The following FOXL1 variants were observed in gnomAD, a reference collection of about 807,000 sequenced individuals.
FOXL1 encodes forkhead box protein L1.
Under a neutral mutation model 1.7 loss-of-function variants are expected in FOXL1, and 2 were observed. The ratio of observed to expected loss-of-function variants is 1.21; its 90% CI spans 0.49 to 3.80. The LOEUF (loss-of-function observed/expected upper bound fraction) is 3.80. Ranked by LOEUF, FOXL1 falls within the 30% of genes most tolerant of loss-of-function variation. FOXL1 has a pLI of 0.07. For missense variants in FOXL1, 565 were observed against 495.8 expected, an observed-to-expected ratio of 1.14 and a Z score of -1.32; for synonymous variants, 280 against 229.3, an observed-to-expected ratio of 1.22 and a Z score of -2.00.
Position 86,578,694 on chromosome 16 carries a change from C to T in FOXL1, c.-30C>T. ...TAGGCCGCCCGGGTCTCCTGCGTTGCGGGGAGCGCAGCGCAGGCTCTCGCT... is the reference window on the plus strand; with the variant it reads ...TAGGCCGCCCGGGTCTCCTGCGTTGTGGGGAGCGCAGCGCAGGCTCTCGCT... On this transcript the variant is annotated 5_prime_UTR_variant, in exon 1 of 1. Transcript: ENST00000320241. 1 of 1,563,652 alleles carries T rather than the reference C, an allele frequency of 6.4e-7. No homozygotes were observed. The highest frequency in any genetic ancestry group is 1.2e-5 in the South Asian group (1 of 83,806).
Position 86,581,813 on chromosome 16 carries a change from G to C in FOXL1, c.*2052G>C, listed in dbSNP as rs1056713065. 1 of 165,010 alleles carries C rather than the reference G, an allele frequency of 6.1e-6. No individual in the cohort carries two copies. Among genetic ancestry groups the C allele is most frequent in the African/African-American group, 2.4e-5 (1 of 41,470 alleles). The allele number at this position is 165,010 out of a possible 1,614,324, so 10.2% of individuals were successfully genotyped here. Reference sequence around the variant, plus strand: ...CATCTCAGGAGGCTCTGGCTTCTGAGGGGTAAACACACAGATGGAGGGGAA... The same window carrying C: ...CATCTCAGGAGGCTCTGGCTTCTGACGGGTAAACACACAGATGGAGGGGAA... On this transcript the variant is annotated 3_prime_UTR_variant, in exon 1 of 1. Coordinates refer to ENST00000320241, the MANE Select transcript of FOXL1 (RefSeq NM_005250.3).
chr16:86,579,604 G>T lies in FOXL1; in HGVS notation c.881G>T (p.Gly294Val). 6.2e-7 allele frequency: 1 copy of T among 1,613,180 alleles called. No individual in the cohort carries two copies. The highest frequency in any genetic ancestry group is 8.5e-7 in the Non-Finnish European group (1 of 1,179,910). Residue 294 changes from glycine to valine, a missense_variant, in exon 1 of 1, where the codon GGT becomes GTT. Transcript: ENST00000320241. ...GAKPGPGGRL[G>V]ASLLAASSSL... ...AAGCCTGGGCCCGGCGGCCGTCTGGGTGCCTCGCTCCTGGCCGCCTCCTCC... is the reference window on the plus strand; with the variant it reads ...AAGCCTGGGCCCGGCGGCCGTCTGGTTGCCTCGCTCCTGGCCGCCTCCTCC...
Position 86,583,442 on chromosome 16 carries a change from T to C in FOXL1, c.*3681T>C, listed in dbSNP as rs370226080. Among the ~76,000 whole-genome samples, 6 of 152,298 alleles carry C rather than the reference T, an allele frequency of 3.9e-5. No individual in the cohort carries two copies. Among genetic ancestry groups the C allele is most frequent in the African/African-American group, 1.4e-4 (6 of 41,560 alleles). On this transcript the variant is annotated 3_prime_UTR_variant, in exon 1 of 1. Coordinates refer to ENST00000320241, the MANE Select transcript of FOXL1 (RefSeq NM_005250.3). The stretch of plus-strand genomic sequence containing the variant: ...AACATAAATGATAAAAAGCAAAGTT[T>C]GTCCATTAAAAATAAAAAGCGTGAG...
At position 86,581,730 on chromosome 16, in the gene FOXL1, TAAAC is replaced by T. The variant is rs757037989; in HGVS notation, c.*1975_*1978del. 5.4e-5 allele frequency: 9 copies of T among 166,986 alleles called. No individual in the cohort carries two copies. The South Asian group carries it at 8.3e-4, about 15-fold the overall frequency. The allele number at this position is 166,986 out of a possible 1,614,324, so 10.3% of individuals were successfully genotyped here. Reference sequence around the variant, plus strand: ...GGTTCAGTGGATTACTGGAGGGAAATAAACAAACAGTGTAATAAGAAAGAGGAGA... The same window carrying T: ...GGTTCAGTGGATTACTGGAGGGAAATAAACAGTGTAATAAGAAAGAGGAGA... On this transcript the variant is annotated 3_prime_UTR_variant, in exon 1 of 1. Transcript: ENST00000320241.
chr16:86,579,864 G>T lies in FOXL1; in HGVS notation c.*103G>T. ...AGGATTTTAAAATGATCTTTGCCTGGGTCGGCCTGTGGGTTCAGGGAAGTG... is the reference window on the plus strand; with the variant it reads ...AGGATTTTAAAATGATCTTTGCCTGTGTCGGCCTGTGGGTTCAGGGAAGTG... On this transcript the variant is annotated 3_prime_UTR_variant, in exon 1 of 1. Transcript: ENST00000320241. 1 of 1,199,894 alleles carries T rather than the reference G, an allele frequency of 8.3e-7. No individual in the cohort carries two copies. Among genetic ancestry groups the T allele is most frequent in the Non-Finnish European group, 1.2e-6 (1 of 843,156 alleles). The allele number at this position is 1,199,894 out of a possible 1,614,324, so 74.3% of individuals were successfully genotyped here.
chr16:86,583,083 A>C lies in FOXL1; in HGVS notation c.*3322A>C, dbSNP rs1226954077. On this transcript the variant is annotated 3_prime_UTR_variant, in exon 1 of 1. Coordinates refer to ENST00000320241, the MANE Select transcript of FOXL1 (RefSeq NM_005250.3). ...CCTCCAGTGAACCATAAGAGTTTTG[A>C]GAACCTGAATAGGACCTTCTTAGCC... Among the ~76,000 whole-genome samples, 1 of 150,776 alleles carries C rather than the reference A, an allele frequency of 6.6e-6. No individual in the cohort carries two copies. Among genetic ancestry groups the C allele is most frequent in the African/African-American group, 2.4e-5 (1 of 40,836 alleles).
rs8182108 is a variant in FOXL1, at chr16:86,582,569, G to A, written c.*2808G>A. Among the ~76,000 whole-genome samples the A allele has an allele frequency of 9.9e-5, 15 of 152,092 alleles. No homozygotes were observed. In the East Asian group the frequency reaches 2.9e-3, roughly 29 times the overall value. ...CATATGAGTGCACTGATCATAATGA[G>A]GATATGGCAGGCACATGTTTGATAA... On this transcript the variant is annotated 3_prime_UTR_variant, in exon 1 of 1. Transcript: ENST00000320241.
In FOXL1 at chr16:86,583,166, G is replaced by A. The variant is rs537158939; in HGVS notation, c.*3405G>A. Reference sequence around the variant, plus strand: ...TGGTCTTCACCATTTCACTCAAAGTGGTGAGTGTATGCCCGTGTGTATGTT... The same window carrying A: ...TGGTCTTCACCATTTCACTCAAAGTAGTGAGTGTATGCCCGTGTGTATGTT... On this transcript the variant is annotated 3_prime_UTR_variant, in exon 1 of 1. Transcript: ENST00000320241. Among the ~76,000 whole-genome samples, 1 of 151,776 alleles carries A rather than the reference G, an allele frequency of 6.6e-6. No individual in the cohort carries two copies. Among genetic ancestry groups the A allele is most frequent in the East Asian group, 1.9e-4 (1 of 5,170 alleles).
Position 86,579,195 on chromosome 16 carries a change from C to G in FOXL1, c.472C>G (p.Arg158Gly), listed in dbSNP as rs1437765834. 1.2e-5 allele frequency: 19 copies of G among 1,589,560 alleles called. 1 individual carries two copies. The South Asian group carries it at 1.2e-4, about 10-fold the overall frequency. Residue 158 changes from arginine to glycine, a missense_variant, in exon 1 of 1, where the codon CGC (arginine) becomes GGC (glycine). Coordinates refer to ENST00000320241, the MANE Select transcript of FOXL1 (RefSeq NM_005250.3). ...CGGGGCCCCGGAGGCCAAGAGGCCCCGCGCCGAGACGCACCAGCGCAGCGC... is the reference window on the plus strand; with the variant it reads ...CGGGGCCCCGGAGGCCAAGAGGCCCGGCGCCGAGACGCACCAGCGCAGCGC... ...GPGAPEAKRPRAETHQRSAEA... is the reference protein window; with the variant it reads ...GPGAPEAKRPGAETHQRSAEA...
chr16:86,578,823 C>A lies in FOXL1; in HGVS notation c.100C>A (p.Pro34Thr). ...ACCCGGCCTCCCTCTGGCCTTCGCC[C>A]CCGCGGCTGCTCTAGCTGCCTCGGG... Reference protein sequence around the residue: ...ERPGLPLAFAPAAALAASGRA... With the variant: ...ERPGLPLAFATAAALAASGRA... Residue 34 changes from proline to threonine, a missense_variant, in exon 1 of 1, where the codon CCC becomes ACC. Transcript: ENST00000320241. 6.2e-7 allele frequency: 1 copy of A among 1,613,672 alleles called. No homozygotes were observed. The highest frequency in any genetic ancestry group is 8.5e-7 in the Non-Finnish European group (1 of 1,179,956).
In FOXL1 at chr16:86,581,657, C is replaced by G. The variant is rs1032883596; in HGVS notation, c.*1896C>G. On this transcript the variant is annotated 3_prime_UTR_variant, in exon 1 of 1. Transcript: ENST00000320241. ...ACTGGATATTTTGCTATCCCAAACT[C>G]TCAGCCTCTGTGAATAAAGTTGTTT... is the stretch of plus-strand genomic sequence containing the variant. The G allele has an allele frequency of 6.6e-5, 11 of 167,158 alleles. No individual in the cohort carries two copies. The highest frequency in any genetic ancestry group is 2.7e-4 in the African/African-American group (11 of 41,480). The allele number at this position is 167,158 out of a possible 1,614,324, so 10.4% of individuals were successfully genotyped here.
Position 86,578,600 on chromosome 16 carries a change from G to A in FOXL1, c.-124G>A, listed in dbSNP as rs1974367315. 6.8e-6 allele frequency: 5 copies of A among 732,094 alleles called. 1 individual carries two copies. The highest frequency in any genetic ancestry group is 1.1e-5 in the Non-Finnish European group (5 of 450,874). 45.3% of individuals were successfully genotyped at this position (732,094 alleles called of 1,614,324 possible). A position where few individuals can be genotyped will look rare whatever the true frequency, so the allele number is the denominator to read the frequency against. ...ACAGAGCACGGAGCGGCCGGGGAGA[G>A]CGGCAGAGCCAGAGGCAGAGGCACG... On this transcript the variant is annotated 5_prime_UTR_variant, in exon 1 of 1. Coordinates refer to ENST00000320241, the MANE Select transcript of FOXL1 (RefSeq NM_005250.3).
chr16:86,578,819 C>A lies in FOXL1; in HGVS notation c.96C>A (p.Phe32Leu). ...GPERPGLPLA[F>L]APAAALAASG... is the part of the protein sequence containing the mutation. ...AGAGACCCGGCCTCCCTCTGGCCTT[C>A]GCCCCCGCGGCTGCTCTAGCTGCCT... is the stretch of plus-strand genomic sequence containing the variant. Residue 32 changes from phenylalanine to leucine, a missense_variant, in exon 1 of 1, where the codon TTC becomes TTA. By Grantham distance (22) the Phe-to-Leu change is conservative. Coordinates refer to ENST00000320241, the MANE Select transcript of FOXL1 (RefSeq NM_005250.3). The A allele has an allele frequency of 1.9e-6, 3 of 1,613,652 alleles. No homozygotes were observed. The South Asian group carries it at 3.3e-5, about 18-fold the overall frequency.
chr16:86,579,210 CAGCGCAGCGCGGA>C lies in FOXL1; in HGVS notation c.488_500del (p.Gln163ArgfsTer97). On this transcript the variant is annotated frameshift_variant, in exon 1 of 1. Transcript: ENST00000320241. LOFTEE classifies it low-confidence loss of function (END_TRUNC). ...CAAGAGGCCCCGCGCCGAGACGCACCAGCGCAGCGCGGAGGCGCAGCCGGAGGCGGGGAGCGGG... is the reference window on the plus strand; with the variant it reads ...CAAGAGGCCCCGCGCCGAGACGCACCGGCGCAGCCGGAGGCGGGGAGCGGG... 6.4e-7 allele frequency: 1 copy of C among 1,569,956 alleles called. No individual in the cohort carries two copies. The highest frequency in any genetic ancestry group is 8.6e-7 in the Non-Finnish European group (1 of 1,159,574).
chr16:86,578,940 A>G lies in FOXL1; in HGVS notation c.217A>G (p.Asn73Asp), dbSNP rs953571485. 8.1e-6 allele frequency: 13 copies of G among 1,614,158 alleles called. No homozygotes were observed. Among genetic ancestry groups the G allele is most frequent in the Non-Finnish European group, 1.1e-5 (13 of 1,179,998 alleles). The change falls in exon 1 of 1, where the codon AAC becomes GAC. Residue 73 changes from asparagine (N) to aspartate (D), a missense_variant. Coordinates refer to ENST00000320241, the MANE Select transcript of FOXL1 (RefSeq NM_005250.3). ...CGCGCCCGAGCAGAGGGTCACGCTC[A>G]ACGGCATCTACCAGTTCATCATGGA... ...QDAPEQRVTL[N>D]GIYQFIMDRF...
chr16:86,578,765 C>T lies in FOXL1; in HGVS notation c.42C>T (p.Ala14=), dbSNP rs773843053. 1 of 1,609,090 alleles carries T rather than the reference C, an allele frequency of 6.2e-7. No homozygotes were observed. The highest frequency in any genetic ancestry group is 8.5e-7 in the Non-Finnish European group (1 of 1,176,730). The change falls in exon 1 of 1, where the codon GCC becomes GCT. Residue 14 remains alanine, a synonymous_variant. Transcript: ENST00000320241. ...LFDPRLPALA[A]SPMLYLYGPE... The stretch of plus-strand genomic sequence containing the variant: ...ATCCCCGGCTGCCTGCCCTGGCCGC[C>T]TCGCCCATGCTGTATCTGTACGGTC...
chr16:86,579,607 C>T lies in FOXL1; in HGVS notation c.884C>T (p.Ala295Val), dbSNP rs1313291457. ...AKPGPGGRLGASLLAASSSLR... is the reference protein window; with the variant it reads ...AKPGPGGRLGVSLLAASSSLR... ...CCTGGGCCCGGCGGCCGTCTGGGTG[C>T]CTCGCTCCTGGCCGCCTCCTCCAGC... is the stretch of plus-strand genomic sequence containing the variant. The change falls in exon 1 of 1, where the codon GCC becomes GTC. Residue 295 changes from alanine (A) to valine (V), a missense_variant. Transcript: ENST00000320241. 2 of 1,613,078 alleles carry T rather than the reference C, an allele frequency of 1.2e-6. No individual in the cohort carries two copies. The highest frequency in any genetic ancestry group is 3.3e-5 in the Admixed American group (2 of 60,000).
rs775985911 is a variant in FOXL1, at chr16:86,579,563, A to G, written c.840A>G (p.Glu280=). 11 of 1,612,372 alleles carry G rather than the reference A, an allele frequency of 6.8e-6. No individual in the cohort carries two copies. The highest frequency in any genetic ancestry group is 5.0e-5 in the Admixed American group (3 of 59,874). ...KQGQKPPSGD[E]LLGGAKPGPG... is the part of the protein sequence containing the mutation. ...GCCAGAAGCCGCCTTCAGGGGACGA[A>G]CTCCTAGGGGGTGCCAAGCCTGGGC... The change falls in exon 1 of 1, where the codon GAA becomes GAG. Residue 280 remains glutamate (E), a synonymous_variant. Coordinates refer to ENST00000320241, the MANE Select transcript of FOXL1 (RefSeq NM_005250.3).
Position 86,579,918 on chromosome 16 carries a change from G to T in FOXL1, c.*157G>T. ...CCAACCATTGCGCGCAGGTGGGCGC[G>T]CTCGCCTGCCTTCTCCGAAGCAAAC... On this transcript the variant is annotated 3_prime_UTR_variant, in exon 1 of 1. Coordinates refer to ENST00000320241, the MANE Select transcript of FOXL1 (RefSeq NM_005250.3). The T allele has an allele frequency of 1.4e-6, 1 of 729,778 alleles. No homozygotes were observed. The highest frequency in any genetic ancestry group is 1.9e-5 in the South Asian group (1 of 51,456). 45.2% of individuals were successfully genotyped at this position (729,778 alleles called of 1,614,324 possible).
Sources: gnomAD v4.1 joint callset for allele counts (sites outside exome capture counted in the v4.1 genomes callset) on GRCh38, gnomAD v4.1.1 for gene constraint, MANE v1.5 for transcripts, NCBI Gene and HGNC (gene_info 2026-07-23, HGNC 2026-07-21) for gene names.